ANKRD18B: variants seen among roughly 807,000 people sequenced by gnomAD.
ANKRD18B encodes ankyrin repeat domain 18B, also known as ankyrin repeat domain-containing protein 18B.
Under a neutral mutation model 111.8 loss-of-function variants are expected in ANKRD18B, and 75 were observed. That is an observed-to-expected ratio of 0.67 (90% CI 0.56 to 0.81). The LOEUF (loss-of-function observed/expected upper bound fraction) is 0.81, where lower values mean the gene tolerates loss of function less well. Ranked by LOEUF, ANKRD18B falls within the 40% of genes least tolerant of loss-of-function variation. The probability of loss-of-function intolerance (pLI) is 0.00; values close to 1 mark genes in which losing one functional copy is unlikely to be tolerated. For synonymous variants in ANKRD18B, 356 were observed against 417.3 expected (o/e 0.85, Z 1.79); for missense variants, 1,038 against 1,225.5 (o/e 0.85, Z 2.28).
At chr9:33,563,965 G>T (rs138045041) in intron 14 of ANKRD18B, among the ~76,000 whole-genome samples, 194 of 152,238 alleles carry the variant, frequency 1.3e-3, no homozygotes, top group African/African-American at 4.5e-3. Context: ...AAGAGACAGG[G>T]TCTTGCTAGT....
rs768928253 is a variant in ANKRD18B at position 33,528,815 on chromosome 9, A to G, written c.295A>G (p.Arg99Gly). Residue 99 changes from arginine to glycine, a missense_variant, in exon 2 of 19, where the codon AGA becomes GGA. Physicochemically the swap from Arg to Gly is moderately radical, Grantham distance 125 (BLOSUM62 -2). Transcript: ENST00000684830. The part of the protein sequence containing the change: ...DRKCQINICD[R>G]LNRTPLMKAV... The stretch of plus-strand genomic sequence containing the variant: ...AAAATGCCAGATCAACATCTGTGAC[A>G]GACTAAACAGGACACCTTTAATGAA... 34 of 1,610,934 alleles carry G rather than the reference A, an allele frequency of 2.1e-5. No individual in the cohort carries two copies. The highest frequency in any genetic ancestry group is 2.7e-5 in the African/African-American group (2 of 74,932).
chr9:33,561,745 C>T (rs548659313), intron 14 of ANKRD18B, among the ~76,000 whole-genome samples: 51 of 152,274 alleles, frequency 3.3e-4, no homozygotes, highest in African/African-American at 1.2e-3. Flanking sequence ...CCAGTTGTTC[C>T]AATATCATTT....
chr9:33,524,534 C>T lies in ANKRD18B; in HGVS notation c.45C>T (p.Leu15=). 1 of 1,551,278 alleles carries T rather than the reference C, an allele frequency of 6.4e-7. No individual in the cohort carries two copies. ...TTGGGAGACGCCTGGGCCAGGCGCT[C>T]CTGAGCTCCATGGACCAAGAGTATG... ...LSFGRRLGQA[L]LSSMDQEYAG... The change falls in exon 1 of 19, where the codon CTC becomes CTT. Residue 15 remains leucine (L), a synonymous_variant. Coordinates refer to ENST00000684830, the MANE Select transcript of ANKRD18B (RefSeq NM_001393611.1).
At chr9:33,538,059 G>A (rs1000773295) in intron 6 of ANKRD18B, among the ~76,000 whole-genome samples, 1 of 152,166 alleles carries the variant, frequency 6.6e-6, no homozygotes, top group Admixed American at 6.5e-5. Context: ...GACCCCTGCA[G>A]TTCAAACTCT....
intron 3 of ANKRD18B, among the ~76,000 whole-genome samples, chr9:33,531,176 G>T (rs1280950915): frequency 6.6e-6 from 1 of 152,102 alleles, no homozygotes; most frequent in African/African-American, 2.4e-5. Context: ...TTAACAATCT[G>T]GGAAAATTAT....
Position 33,548,339 on chromosome 9 carries a change from A to G in ANKRD18B, c.1551A>G (p.Leu517=), listed in dbSNP as rs1458932623. The change falls in exon 11 of 19, where the codon TTA becomes TTG. Residue 517 remains leucine, a synonymous_variant. Transcript: ENST00000684830. ...AAAGAAAAGACCTAGAACTAGTTTT[A>G]TGGAGAGCAGATGATGTTTCTAGAC... The part of the protein sequence containing the change: ...ILERKDLELV[L]WRADDVSRHE... The G allele has an allele frequency of 2.6e-6, 4 of 1,549,888 alleles. No homozygotes were observed. The highest frequency in any genetic ancestry group is 2.0e-5 in the Admixed American group (1 of 50,668).
chr9:33,528,319 A>G (rs1255601570), intron 1 of ANKRD18B, among the ~76,000 whole-genome samples: 6 of 152,200 alleles, frequency 3.9e-5, no homozygotes, highest in Non-Finnish European at 8.8e-5. Flanking sequence ...AAAGTCTAAC[A>G]GTTATTGAGT....
Position 33,529,038 on chromosome 9 carries a change from C to T in ANKRD18B, c.360C>T (p.Leu120=). 6.2e-7 allele frequency: 1 copy of T among 1,612,364 alleles called. No homozygotes were observed. Among genetic ancestry groups the T allele is most frequent in the Non-Finnish European group, 8.5e-7 (1 of 1,179,854 alleles). ...AGGAAGAGGCTTGTGCCATTATTCT[C>T]CTGAAACGTGGCGCCAATCCAAACA... The part of the protein sequence containing the change: ...HCQEEACAII[L]LKRGANPNIK... Residue 120 remains leucine (L), a synonymous_variant, in exon 3 of 19, where the codon CTC becomes CTT. Transcript: ENST00000684830.
At chr9:33,565,475 T>C (rs1199714279) in intron 14 of ANKRD18B, among the ~76,000 whole-genome samples, 1 of 152,178 alleles carries the variant, frequency 6.6e-6, no homozygotes, top group East Asian at 1.9e-4. Flanking sequence ...CATTATTTTG[T>C]GTTTTTTGAG....
At position 33,533,541 on chromosome 9, in the gene ANKRD18B, A is replaced by C; in HGVS notation, c.598A>C (p.Lys200Gln). 6.5e-7 allele frequency: 1 copy of C among 1,531,360 alleles called. No homozygotes were observed. Among genetic ancestry groups the C allele is most frequent in the Non-Finnish European group, 8.8e-7 (1 of 1,141,018 alleles). The allele number at this position is 1,531,360 out of a possible 1,614,324, so 94.9% of individuals were successfully genotyped here. A position where few individuals can be genotyped will look rare whatever the true frequency, so the allele number is the denominator to read the frequency against. ...QANIHAVDNF[K>Q]RTALILAVQH... ...AAATATACATGCCGTTGACAATTTC[A>C]AAAGGTGCAATAGTTTTTGTTTTCT... The change falls in exon 4 of 19, where the codon AAA becomes CAA. Residue 200 changes from lysine to glutamine, a missense_variant. This residue lies in a region of ANKRD18B where 93 missense variants were observed against 141.3 expected (regional missense o/e 0.66). Coordinates refer to ENST00000684830, the MANE Select transcript of ANKRD18B (RefSeq NM_001393611.1).
At chr9:33,529,366 A>G (rs1324113348) in intron 3 of ANKRD18B, among the ~76,000 whole-genome samples, 193 bp downstream of exon 3, 1 of 152,228 alleles carries the variant, frequency 6.6e-6, no homozygotes, top group African/African-American at 2.4e-5. Context: ...TAGTGCACTT[A>G]TGGGAAGTAT....
chr9:33,539,572 T>C (rs1168093062), intron 7 of ANKRD18B, 70 bp downstream of exon 7: 1 of 153,244 alleles, frequency 6.5e-6, no homozygotes, highest in African/African-American at 2.4e-5. Context: ...AAAAAATATA[T>C]GGAGTGCTTG....
At chr9:33,525,696 A>G (rs1329474091) in intron 1 of ANKRD18B, among the ~76,000 whole-genome samples, 2 of 151,632 alleles carry the variant, frequency 1.3e-5, no homozygotes, top group African/African-American at 4.8e-5. Flanking sequence ...CCTGTGTATC[A>G]GAAAAAAATT....
Position 33,528,826 on chromosome 9 carries a change from G to A in ANKRD18B, c.306G>A (p.Arg102=), listed in dbSNP as rs368372377. The A allele has an allele frequency of 1.9e-6, 3 of 1,608,698 alleles. No individual in the cohort carries two copies. Among genetic ancestry groups the A allele is most frequent in the Non-Finnish European group, 2.5e-6 (3 of 1,177,212 alleles). Residue 102 remains arginine, a synonymous_variant, in exon 2 of 19, where the codon AGG becomes AGA. Transcript: ENST00000684830. ...TCAACATCTGTGACAGACTAAACAGGACACCTTTAATGAAGGTATATAGTA... is the reference window on the plus strand; with the variant it reads ...TCAACATCTGTGACAGACTAAACAGAACACCTTTAATGAAGGTATATAGTA... ...CQINICDRLN[R]TPLMKAVHCQ... is the part of the protein sequence containing the mutation.
At chr9:33,533,752 T>C in intron 4 of ANKRD18B, 1 of 1,013,128 alleles carries the variant, frequency 9.9e-7, no homozygotes, top group Middle Eastern at 3.7e-4. Flanking sequence ...TCATCTTCTC[T>C]TATAGACTGT....
At chr9:33,537,107 G>A (rs967732723) in intron 6 of ANKRD18B, among the ~76,000 whole-genome samples, 162 bp downstream of exon 6, 3 of 152,026 alleles carry the variant, frequency 2.0e-5, no homozygotes, top group African/African-American at 7.2e-5. Flanking sequence ...GACCAGCCTG[G>A]CTAACATGGT....
intron 1 of ANKRD18B, among the ~76,000 whole-genome samples, chr9:33,527,971 T>C (rs1828050745): frequency 6.6e-6 from 1 of 152,226 alleles, no homozygotes; most frequent in Admixed American, 6.5e-5. Flanking sequence ...TCATTTTACT[T>C]AATTAAAATG....
chr9:33,532,479 A>G (rs1380805550), intron 3 of ANKRD18B, among the ~76,000 whole-genome samples: 3 of 152,260 alleles, frequency 2.0e-5, no homozygotes, highest in Admixed American at 1.3e-4. Context: ...AGAATTTCTT[A>G]CTGAGCTTTG....
rs772851925 is a variant in ANKRD18B, at chr9:33,529,077, C to A, written c.399C>A (p.Tyr133Ter). ...CCAATCCAAACATTAAGGATATCTA[C>A]GGCAACACTGCTCTCCATTATGCCG... is the stretch of plus-strand genomic sequence containing the variant. Reference protein sequence around the residue: ...RGANPNIKDIYGNTALHYAVY... With the variant: ...RGANPNIKDI Residue 133 changes from tyrosine to a stop codon, truncating the protein, a stop_gained, in exon 3 of 19, where the codon TAC becomes TAA. Transcript: ENST00000684830. LOFTEE classifies it high-confidence loss of function. 4 of 1,612,082 alleles carry A rather than the reference C, an allele frequency of 2.5e-6. No homozygotes were observed.
Sources: gnomAD v4.1 joint callset for allele counts (sites outside exome capture counted in the v4.1 genomes callset) on GRCh38, gnomAD v4.1.1 for gene constraint, gnomAD v4.1.1 regional missense constraint, MANE v1.5 for transcripts, NCBI Gene and HGNC (gene_info 2026-07-23, HGNC 2026-07-21) for gene names.